Variants in AGO3 observed in about 807,000 individuals in gnomAD.
The protein encoded by AGO3 is protein argonaute-3.
In AGO3, 16 loss-of-function variants were observed where a neutral mutation model predicts 105.5. That is an observed-to-expected ratio of 0.15 (90% confidence interval 0.10 to 0.23). The LOEUF is 0.23. Ranked by LOEUF, AGO3 falls within the 10% of genes least tolerant of loss-of-function variation. The probability of loss-of-function intolerance (pLI) is 1.00; values close to 1 mark genes in which losing one functional copy is unlikely to be tolerated. For synonymous variants in AGO3, 340 were observed against 367.3 expected, an observed-to-expected ratio of 0.93 and a Z score of 0.85; for missense variants, 534 against 1,088.0, an observed-to-expected ratio of 0.49 and a Z score of 7.16.
intron 1 of AGO3, among the ~76,000 whole-genome samples, chr1:35,932,031 G>T (rs1279095149): frequency 2.0e-5 from 3 of 152,174 alleles, no homozygotes; most frequent in Non-Finnish European, 2.9e-5. Context: ...CGAGGAGGTG[G>T]TTCTTAAAAT....
At chr1:36,053,311 C>T (rs984735120) in intron 17 of AGO3, among the ~76,000 whole-genome samples, 5 of 151,678 alleles carry the variant, frequency 3.3e-5, no homozygotes, top group East Asian at 1.9e-4. Context: ...GATGGAGTCT[C>T]GCTCTGTCAC....
At chr1:36,026,297 G>A (rs1347678155) in intron 11 of AGO3, among the ~76,000 whole-genome samples, 2 of 151,862 alleles carry the variant, frequency 1.3e-5, no homozygotes, top group East Asian at 1.9e-4. Context: ...TAGTAGATAT[G>A]GGTTTTCGCC....
At chr1:35,969,596 C>G (rs1345728466) in intron 3 of AGO3, among the ~76,000 whole-genome samples, 2 of 152,146 alleles carry the variant, frequency 1.3e-5, no homozygotes, top group African/African-American at 2.4e-5. Context: ...CTCTTTTAAG[C>G]TGACTCCTGT....
chr1:35,931,531 G>T, intron 1 of AGO3, 86 bp downstream of exon 1: 1 of 1,290,964 alleles, frequency 7.7e-7, no homozygotes, highest in South Asian at 2.2e-5. Flanking sequence ...CGGCCCAGGT[G>T]CGCGAGGTGA....
intron 9 of AGO3, 73 bp downstream of exon 9, chr1:36,009,667 T>C: frequency 6.9e-7 from 1 of 1,446,942 alleles, no homozygotes; most frequent in South Asian, 1.3e-5. Context: ...AACCATGTCC[T>C]TATCAACCCA....
chr1:36,029,067 C>A (rs1381721836), intron 12 of AGO3, among the ~76,000 whole-genome samples: 1 of 152,090 alleles, frequency 6.6e-6, no homozygotes, highest in African/African-American at 2.4e-5. Flanking sequence ...ATATATAGCA[C>A]ACATACCCTG....
intron 2 of AGO3, among the ~76,000 whole-genome samples, chr1:35,952,072 TCTA>T (rs930919615): frequency 9.9e-5 from 15 of 151,584 alleles, no homozygotes; most frequent in Admixed American, 6.6e-4. Context: ...CAACCACTAA[TCTA>T]CTTTCTTTCT....
At chr1:36,022,062 C>CTTTTTTT (rs34538981) in intron 11 of AGO3, among the ~76,000 whole-genome samples, 3 of 110,294 alleles carry the variant, frequency 2.7e-5, no homozygotes, top group African/African-American at 1.0e-4. Context: ...AGTTGGGGGC[C>CTTTTTTT]TTTTTTTTTT....
In AGO3 at chr1:36,004,436, A is replaced by G. The variant is rs774266191; in HGVS notation, c.754A>G (p.Thr252Ala). 12 of 1,605,666 alleles carry G rather than the reference A, an allele frequency of 7.5e-6. No homozygotes were observed. The highest frequency in any genetic ancestry group is 1.0e-5 in the Non-Finnish European group (12 of 1,174,750). Residue 252 changes from threonine to alanine, a missense_variant, in exon 6 of 19, where the codon ACT becomes GCT. By Grantham distance (58) the Thr-to-Ala change is moderately conservative. Transcript: ENST00000373191. The stretch of plus-strand genomic sequence containing the variant: ...TATTGATGAGCAACCAAGACCTCTG[A>G]CTGATTCTCATCGGGTAAAATTCAC... Reference protein sequence around the residue: ...HNIDEQPRPLTDSHRVKFTKE... With the variant: ...HNIDEQPRPLADSHRVKFTKE...
chr1:35,959,079 T>C (rs898795748), intron 2 of AGO3, among the ~76,000 whole-genome samples: 9 of 152,224 alleles, frequency 5.9e-5, no homozygotes, highest in African/African-American at 2.2e-4. Context: ...AAGCTTATAG[T>C]AATTACAACT....
Position 36,009,474 on chromosome 1 carries a change from G to C in AGO3, c.1030-1G>C. 1 of 1,607,346 alleles carries C rather than the reference G, an allele frequency of 6.2e-7. No individual in the cohort carries two copies. The highest frequency in any genetic ancestry group is 8.5e-7 in the Non-Finnish European group (1 of 1,177,660). On this transcript the variant is annotated splice_acceptor_variant, in intron 8 of 18. Coordinates refer to ENST00000373191, the MANE Select transcript of AGO3 (RefSeq NM_024852.4). LOFTEE classifies it high-confidence loss of function. ...AGTACAAAACTTTTTTCCATTTGTA[G>C]GTCTGTAATATTGTGGCAGGGCAAC...
chr1:35,975,917 ATTTCT>A (rs573968412), intron 5 of AGO3, among the ~76,000 whole-genome samples: 116 of 148,256 alleles, frequency 7.8e-4, no homozygotes, highest in African/African-American at 2.7e-3. Flanking sequence ...AATTTTGCAC[ATTTCT>A]TTTTTTTTTT....
intron 11 of AGO3, among the ~76,000 whole-genome samples, chr1:36,019,147 G>T (rs969835589): frequency 6.6e-6 from 1 of 152,116 alleles, no homozygotes; most frequent in Admixed American, 6.5e-5. Context: ...TGCTTGTCCT[G>T]AGTCAGTGGT....
intron 10 of AGO3, 24 bp downstream of exon 10, chr1:36,013,776 A>T: frequency 6.2e-7 from 1 of 1,611,270 alleles, no homozygotes; most frequent in Non-Finnish European, 8.5e-7. Flanking sequence ...TTAATGTTTT[A>T]ATCATACACA....
intron 5 of AGO3, among the ~76,000 whole-genome samples, chr1:35,984,943 GAAAATTTAATGAAACACATTGTCCT>G (rs368673561): frequency 0.032 from 4,897 of 152,256 alleles, 137 homozygotes; most frequent in Non-Finnish European, 0.05. Context: ...AAAGATCTAA[GAAAATTTAATGAAACACATTGTCCT>G]TATTAATCTA....
intron 3 of AGO3, among the ~76,000 whole-genome samples, chr1:35,971,188 C>T (rs1198376399): frequency 7.2e-6 from 1 of 139,206 alleles, no homozygotes; most frequent in African/African-American, 2.9e-5. Context: ...TTTTTTGAGC[C>T]TCACTCTGTT....
chr1:35,983,549 C>G (rs1183032339), intron 5 of AGO3: 2 of 152,026 alleles, frequency 1.3e-5, no homozygotes, highest in East Asian at 3.8e-4. Flanking sequence ...ATGATTGTGC[C>G]ACTGCATTCC....
chr1:35,947,092 C>T (rs932899709), intron 2 of AGO3, among the ~76,000 whole-genome samples: 3 of 151,860 alleles, frequency 2.0e-5, no homozygotes, highest in African/African-American at 7.3e-5. Flanking sequence ...AAATAACATA[C>T]ATATAATTTT....
chr1:36,027,279 G>T lies in AGO3; in HGVS notation c.1572G>T (p.Pro524=). 1 of 1,612,864 alleles carries T rather than the reference G, an allele frequency of 6.2e-7. No individual in the cohort carries two copies. The highest frequency in any genetic ancestry group is 8.5e-7 in the Non-Finnish European group (1 of 1,179,288). ...SGLQLIIVIL[P]GKTPVYAEVK... ...TACAGCTTATTATCGTCATCCTGCC[G>T]GGGAAGACACCAGTGTATGGTAAGG... Residue 524 remains proline, a synonymous_variant, in exon 12 of 19, where the codon CCG becomes CCT. Coordinates refer to ENST00000373191, the MANE Select transcript of AGO3 (RefSeq NM_024852.4). This position sits in a 1 kb window ranked among gnomAD's most constrained non-coding sequence, Gnocchi z 4.0.
Sources: gnomAD v4.1 joint callset for allele counts (sites outside exome capture counted in the v4.1 genomes callset) on GRCh38, gnomAD v4.1.1 for gene constraint, Gnocchi (gnomAD v3.1) non-coding constraint, MANE v1.5 for transcripts, NCBI Gene and HGNC (gene_info 2026-07-23, HGNC 2026-07-21) for gene names.